The following MDFIC variants were observed in gnomAD, a reference collection of about 807,000 sequenced individuals.
MDFIC encodes MyoD family inhibitor domain containing, also known as myoD family inhibitor domain-containing protein.
Under a neutral mutation model 23.2 loss-of-function variants are expected in MDFIC, and 17 were observed. The ratio of observed to expected loss-of-function variants is 0.73; its 90% CI spans 0.50 to 1.10. The LOEUF is 1.10. Ranked by LOEUF, MDFIC falls within the 50% of genes least tolerant of loss-of-function variation. The probability of loss-of-function intolerance (pLI) is 0.00; values close to 1 mark genes in which losing one functional copy is unlikely to be tolerated. For synonymous variants in MDFIC, 120 were observed against 115.2 expected, an observed-to-expected ratio of 1.04 and a Z score of -0.27; for missense variants, 356 against 316.6, an observed-to-expected ratio of 1.12 and a Z score of -0.95.
intron 3 of MDFIC, among the ~76,000 whole-genome samples, chr7:114,962,745 T>C (rs575231391): frequency 6.6e-6 from 1 of 152,182 alleles, no homozygotes; most frequent in Non-Finnish European, 1.5e-5. Context: ...TTTACGAAAT[T>C]AGACAAAAAT....
At chr7:114,996,192 A>G (rs1791323455) in intron 4 of MDFIC, among the ~76,000 whole-genome samples, 1 of 152,194 alleles carries the variant, frequency 6.6e-6, no homozygotes, top group South Asian at 2.1e-4. Flanking sequence ...ACAGGTACAC[A>G]AGGTCCCAAA....
intron 3 of MDFIC, among the ~76,000 whole-genome samples, chr7:114,942,760 C>G (rs1238765367): frequency 6.6e-6 from 1 of 152,136 alleles, no homozygotes; most frequent in East Asian, 1.9e-4. Context: ...CTACTATGGT[C>G]TCTGTTCTTC....
chr7:115,009,309 T>A (rs1244216183), intron 4 of MDFIC, among the ~76,000 whole-genome samples: 1 of 152,216 alleles, frequency 6.6e-6, no homozygotes, highest in African/African-American at 2.4e-5. Flanking sequence ...ACTTTAGCTG[T>A]TTGGTATCTC....
Position 114,923,448 on chromosome 7 carries a change from T to C in MDFIC, c.94+321T>C, listed in dbSNP as rs541560868. 6.5e-5 allele frequency: 100 copies of C among 1,537,700 alleles called. No homozygotes were observed. In the African/African-American group the frequency reaches 1.3e-3, roughly 20 times the overall value. On this transcript the variant is annotated intron_variant, in intron 2 of 4. Transcript: ENST00000393486. ...ACTCAATGTGTAGGTTCTGAAGCGC[T>C]TCTCCTCTAGGTCTCTTCAGCAGAT...
intron 2 of MDFIC, among the ~76,000 whole-genome samples, chr7:114,935,217 G>A (rs1005709622): frequency 2.6e-5 from 4 of 152,010 alleles, no homozygotes; most frequent in Non-Finnish European, 4.4e-5. Context: ...AAGCAAGTTT[G>A]TTATACATAA....
At chr7:114,928,165 C>T (rs986394434) in intron 2 of MDFIC, among the ~76,000 whole-genome samples, 8 of 151,866 alleles carry the variant, frequency 5.3e-5, no homozygotes, top group African/African-American at 1.7e-4. Flanking sequence ...ATTCATTTTC[C>T]CTTTGTTAAG....
At chr7:115,008,895 C>G (rs575401283) in intron 4 of MDFIC, among the ~76,000 whole-genome samples, 1 of 152,352 alleles carries the variant, frequency 6.6e-6, no homozygotes, top group African/African-American at 2.4e-5. Flanking sequence ...CCCAGTCAGA[C>G]TTCTGCACAG....
At chr7:114,977,946 T>C (rs1177601082) in intron 3 of MDFIC, among the ~76,000 whole-genome samples, 1 of 147,988 alleles carries the variant, frequency 6.8e-6, no homozygotes, top group Non-Finnish European at 1.5e-5. Flanking sequence ...TATTATATAA[T>C]AATTACATAA....
intron 3 of MDFIC, among the ~76,000 whole-genome samples, chr7:114,977,883 A>G (rs1009252693): frequency 3.4e-5 from 5 of 147,992 alleles, no homozygotes; most frequent in African/African-American, 9.8e-5. Context: ...ACATTTATAT[A>G]ATTAATTATA....
rs61377366 is a variant in MDFIC at position 114,966,405 on chromosome 7, CAAAAAA to C, written c.218-13090_218-13085del. On this transcript the variant is annotated intron_variant, in intron 3 of 4. Transcript: ENST00000393486. ...CACTCTGATGTCCTAGTCAGGAAAC[CAAAAAA>C]AAAAAAAAAAGGAAAAAACACCACC... Among the ~76,000 whole-genome samples, 12 of 121,308 alleles carry C rather than the reference CAAAAAA, an allele frequency of 9.9e-5. No individual in the cohort carries two copies. In the East Asian group the frequency reaches 1.6e-3, roughly 16 times the overall value. The allele number at this position is 121,308 out of a possible 152,430, so 79.6% of individuals were successfully genotyped here. A position where few individuals can be genotyped will look rare whatever the true frequency, so the allele number is the denominator to read the frequency against.
intron 3 of MDFIC, among the ~76,000 whole-genome samples, chr7:114,976,477 C>G (rs1793316797): frequency 6.6e-6 from 1 of 152,126 alleles, no homozygotes; most frequent in South Asian, 2.1e-4. Flanking sequence ...GCAAATTCAT[C>G]TCTAAATCAA....
At chr7:114,941,614 C>G (rs1032861198) in intron 2 of MDFIC, among the ~76,000 whole-genome samples, 1 of 152,170 alleles carries the variant, frequency 6.6e-6, no homozygotes, top group Non-Finnish European at 1.5e-5. Flanking sequence ...CTGGACCTCT[C>G]ATAGCATGCA....
At chr7:114,960,614 A>G (rs1284239249) in intron 3 of MDFIC, among the ~76,000 whole-genome samples, 1 of 152,222 alleles carries the variant, frequency 6.6e-6, no homozygotes, top group Admixed American at 6.5e-5. Flanking sequence ...CAATCAGAAA[A>G]ATATGCACAA....
intron 4 of MDFIC, chr7:115,014,321 A>C (rs1369594799): frequency 8.1e-7 from 1 of 1,234,862 alleles, no homozygotes; most frequent in African/African-American, 1.6e-5. Context: ...ATTTGTAGCC[A>C]AGGAAGTTAT....
At chr7:114,975,217 C>T (rs568746295) in intron 3 of MDFIC, among the ~76,000 whole-genome samples, 11 of 151,968 alleles carry the variant, frequency 7.2e-5, no homozygotes, top group East Asian at 1.9e-4. Flanking sequence ...GTACCTTTAA[C>T]GCATGTGATT....
rs927438993 is a variant in MDFIC at position 114,977,694 on chromosome 7, A to G, written c.218-1812A>G. Among the ~76,000 whole-genome samples the G allele has an allele frequency of 3.3e-5, 5 of 152,168 alleles. No homozygotes were observed. The South Asian group carries it at 1.0e-3, about 32-fold the overall frequency. ...ACAGGTGAATATTCACATTTGTTTTATGATTCATTGTCTAAAAAATCATAT... is the reference window on the plus strand; with the variant it reads ...ACAGGTGAATATTCACATTTGTTTTGTGATTCATTGTCTAAAAAATCATAT... On this transcript the variant is annotated intron_variant, in intron 3 of 4. Transcript: ENST00000393486.
At chr7:114,981,406 A>C (rs1334807969) in intron 4 of MDFIC, among the ~76,000 whole-genome samples, 1 of 152,174 alleles carries the variant, frequency 6.6e-6, no homozygotes, top group Admixed American at 6.5e-5. Context: ...CATACGAAGG[A>C]GGAAGAAAAT....
intron 1 of MDFIC, 66 bp from the exon 2 acceptor site, chr7:114,922,861 C>A: frequency 6.7e-7 from 1 of 1,495,554 alleles, no homozygotes; most frequent in Non-Finnish European, 9.0e-7. Flanking sequence ...AGGGAACGTC[C>A]CGCAGGGGTG....
chr7:114,922,895 T>TG, intron 1 of MDFIC, 32 bp from the exon 2 acceptor site: 1 of 1,557,856 alleles, frequency 6.4e-7, no homozygotes, highest in Non-Finnish European at 8.7e-7. Context: ...TAAAAACATT[T>TG]TTTTTTTTAA....
Sources: allele counts gnomAD v4.1 joint callset (sites outside exome capture counted in the v4.1 genomes callset), GRCh38; gene constraint gnomAD v4.1.1; transcripts MANE v1.5; gene names NCBI Gene and HGNC (gene_info 2026-07-23, HGNC 2026-07-21).